TNFRSF11A: variants seen among roughly 807,000 people sequenced by gnomAD.
The protein encoded by TNFRSF11A is TNF receptor superfamily member 11a, also known as tumor necrosis factor receptor superfamily member 11A.
A neutral mutation model predicts 55.7 loss-of-function variants in TNFRSF11A; 32 were observed. The ratio of observed to expected loss-of-function variants is 0.57; its 90% CI spans 0.43 to 0.77. The LOEUF (loss-of-function observed/expected upper bound fraction) is 0.77, where lower values mean the gene tolerates loss of function less well. Among genes scored for constraint, TNFRSF11A ranks in the 30% least tolerant of loss-of-function variants. TNFRSF11A has a pLI of 0.00. For synonymous variants in TNFRSF11A, 311 were observed against 331.0 expected, an observed-to-expected ratio of 0.94 and a Z score of 0.65; for missense variants, 753 against 809.8, an observed-to-expected ratio of 0.93 and a Z score of 0.85.
chr18:62,333,137 G>C (rs2046179551), intron 1 of TNFRSF11A, among the ~76,000 whole-genome samples: 2 of 152,152 alleles, frequency 1.3e-5, no homozygotes, highest in Admixed American at 1.3e-4. Flanking sequence ...ACAGGTACCG[G>C]GGAAGGATAA....
chr18:62,329,687 G>A (rs2046123153), intron 1 of TNFRSF11A, among the ~76,000 whole-genome samples: 1 of 152,164 alleles, frequency 6.6e-6, no homozygotes, highest in African/African-American at 2.4e-5. Context: ...AAAACCGAGT[G>A]GGTGTGGAGC....
chr18:62,334,001 G>A (rs960501731), intron 1 of TNFRSF11A, among the ~76,000 whole-genome samples: 4 of 152,064 alleles, frequency 2.6e-5, no homozygotes, highest in African/African-American at 9.7e-5. Flanking sequence ...GAGTAGCTGG[G>A]ATTACAGGTG....
chr18:62,341,231 C>T (rs57570357), intron 1 of TNFRSF11A, among the ~76,000 whole-genome samples: 54 of 152,320 alleles, frequency 3.5e-4, no homozygotes, highest in African/African-American at 1.3e-3. Context: ...TGAAATGACT[C>T]GGACCACTCA....
At chr18:62,381,296 C>T (rs2145393495) in intron 9 of TNFRSF11A, among the ~76,000 whole-genome samples, 1 of 152,264 alleles carries the variant, frequency 6.6e-6, no homozygotes, top group African/African-American at 2.4e-5. Flanking sequence ...GAATGAAATT[C>T]TCAAGATGAA....
At position 62,325,772 on chromosome 18, in the gene TNFRSF11A, C is replaced by T. The variant is rs572761354; in HGVS notation, c.75+345C>T. On this transcript the variant is annotated intron_variant, in intron 1 of 9. Coordinates refer to ENST00000586569, the MANE Select transcript of TNFRSF11A (RefSeq NM_003839.4). This position sits in a 1 kb window ranked among gnomAD's most constrained non-coding sequence, Gnocchi z 4.7. ...TAAGCGCTTGCGCCGGGCGGTGCCG[C>T]GGGAGACAGCGCCGTGGGCACCTCA... is the stretch of plus-strand genomic sequence containing the variant. Among the ~76,000 whole-genome samples, 1 of 152,360 alleles carries T rather than the reference C, an allele frequency of 6.6e-6. No homozygotes were observed. Among genetic ancestry groups the T allele is most frequent in the Non-Finnish European group, 1.5e-5 (1 of 68,030 alleles).
In TNFRSF11A at chr18:62,385,083, G is replaced by A. The variant is rs1261714867; in HGVS notation, c.*49G>A. ...GAAGCTCGGAGCCAGGGCTCGCGAGGGCAGCACCGCAGCCTCTGCCCCAGC... is the reference window on the plus strand; with the variant it reads ...GAAGCTCGGAGCCAGGGCTCGCGAGAGCAGCACCGCAGCCTCTGCCCCAGC... On this transcript the variant is annotated 3_prime_UTR_variant, in exon 10 of 10. Coordinates refer to ENST00000586569, the MANE Select transcript of TNFRSF11A (RefSeq NM_003839.4). 5 of 1,419,480 alleles carry A rather than the reference G, an allele frequency of 3.5e-6. No individual in the cohort carries two copies. The African/African-American group carries it at 7.6e-5, about 21-fold the overall frequency. 87.9% of individuals were successfully genotyped at this position (1,419,480 alleles called of 1,614,324 possible).
intron 9 of TNFRSF11A, among the ~76,000 whole-genome samples, chr18:62,382,999 A>G (rs773352934): frequency 3.9e-4 from 59 of 152,182 alleles, no homozygotes; most frequent in Non-Finnish European, 1.9e-4. Flanking sequence ...AAGGGCGTAG[A>G]TACAGTGGTG....
chr18:62,341,039 C>T (rs2046303313), intron 1 of TNFRSF11A, among the ~76,000 whole-genome samples: 3 of 152,232 alleles, frequency 2.0e-5, no homozygotes, highest in Non-Finnish European at 4.4e-5. Flanking sequence ...ATTCTATCTG[C>T]CGAGCTTATT....
At chr18:62,343,847 T>C (rs977015287) in intron 1 of TNFRSF11A, among the ~76,000 whole-genome samples, 1 of 152,236 alleles carries the variant, frequency 6.6e-6, no homozygotes, top group Admixed American at 6.5e-5. Context: ...ATGAACAGAC[T>C]AATGTTCCTT....
chr18:62,390,229 C>G lies in TNFRSF11A; in HGVS notation c.*5195C>G, dbSNP rs762996176. 2 of 152,262 alleles carry G rather than the reference C, an allele frequency of 1.3e-5. No individual in the cohort carries two copies. The highest frequency in any genetic ancestry group is 2.9e-5 in the Non-Finnish European group (2 of 68,060). The allele number at this position is 152,262 out of a possible 1,614,324, so 9.4% of individuals were successfully genotyped here. A position where few individuals can be genotyped will look rare whatever the true frequency, so the allele number is the denominator to read the frequency against. On this transcript the variant is annotated 3_prime_UTR_variant, in exon 10 of 10. Coordinates refer to ENST00000586569, the MANE Select transcript of TNFRSF11A (RefSeq NM_003839.4). ...CAACTAGGTCGGAGGGACGCACCTT[C>G]TCCACAGTTGACAGGACTGTTATGG...
At position 62,388,438 on chromosome 18, in the gene TNFRSF11A, C is replaced by T. The variant is rs1449844168; in HGVS notation, c.*3404C>T. ...TCCAAGGGATGGGGGAGCAGCATAT[C>T]CCCCCATGGGAAGAGTTGCGGAATG... On this transcript the variant is annotated 3_prime_UTR_variant, in exon 10 of 10. Coordinates refer to ENST00000586569, the MANE Select transcript of TNFRSF11A (RefSeq NM_003839.4). 1 of 152,372 alleles carries T rather than the reference C, an allele frequency of 6.6e-6. No homozygotes were observed. Among genetic ancestry groups the T allele is most frequent in the Non-Finnish European group, 1.5e-5 (1 of 68,138 alleles). 9.4% of individuals were successfully genotyped at this position (152,372 alleles called of 1,614,324 possible).
intron 7 of TNFRSF11A, among the ~76,000 whole-genome samples, chr18:62,362,415 A>G (rs1370327619): frequency 2.1e-5 from 3 of 145,370 alleles, no homozygotes. Flanking sequence ...ACTTGAACCT[A>G]GGAGGCAGAG....
At chr18:62,359,723 C>T (rs530199665) in intron 5 of TNFRSF11A, among the ~76,000 whole-genome samples, 2 of 152,274 alleles carry the variant, frequency 1.3e-5, no homozygotes, top group Admixed American at 6.5e-5. Flanking sequence ...CTTTGCTGAC[C>T]GCAATCTCAG....
chr18:62,366,752 G>A lies in TNFRSF11A; in HGVS notation c.775G>A (p.Gly259Arg), dbSNP rs1910112159. 6.2e-7 allele frequency: 1 copy of A among 1,614,068 alleles called. No individual in the cohort carries two copies. Among genetic ancestry groups the A allele is most frequent in the Admixed American group, 1.7e-5 (1 of 60,008 alleles). The stretch of plus-strand genomic sequence containing the variant: ...CAATGAGGCTTGTGGCCGCCTAAGT[G>A]GAGATAAGGTAGAGTGAACAGTTGT... ...WINEACGRLS[G>R]DKESSGDSCV... Residue 259 changes from glycine (G) to arginine (R), a missense_variant, in exon 8 of 10, where the codon GGA becomes AGA. Coordinates refer to ENST00000586569, the MANE Select transcript of TNFRSF11A (RefSeq NM_003839.4).
At chr18:62,355,504 C>T (rs913391137) in intron 4 of TNFRSF11A, among the ~76,000 whole-genome samples, 2 of 152,162 alleles carry the variant, frequency 1.3e-5, no homozygotes, top group East Asian at 1.9e-4. Context: ...CTCGAACTCC[C>T]GACTTCAGGT....
rs541976552 is a variant in TNFRSF11A, at chr18:62,368,999, T to C, written c.1082T>C (p.Leu361Pro). The change falls in exon 9 of 10, where the codon CTG becomes CCG. Residue 361 changes from leucine to proline, a missense_variant. By Grantham distance (98) the Leu-to-Pro change is moderately conservative (BLOSUM62 -3). Around this residue, in one of 3 missense-constraint regions of TNFRSF11A, gnomAD observed 567 missense variants for 596.7 expected, o/e 0.95. Transcript: ENST00000586569. ...DRPSQPTDQL[L>P]FLTEPGSKST... ...CCCTCCCAGCCCACAGACCAGTTACTGTTCCTCACTGAGCCTGGAAGCAAA... is the reference window on the plus strand; with the variant it reads ...CCCTCCCAGCCCACAGACCAGTTACCGTTCCTCACTGAGCCTGGAAGCAAA... 4 of 1,614,248 alleles carry C rather than the reference T, an allele frequency of 2.5e-6. No individual in the cohort carries two copies. The highest frequency in any genetic ancestry group is 2.5e-6 in the Non-Finnish European group (3 of 1,180,048).
At chr18:62,336,892 A>C (rs1234085071) in intron 1 of TNFRSF11A, 1 of 152,256 alleles carries the variant, frequency 6.6e-6, no homozygotes, top group Non-Finnish European at 1.5e-5. Flanking sequence ...GAGCAGAGAT[A>C]ATAAATGCAT....
intron 1 of TNFRSF11A, chr18:62,336,849 A>G (rs887360444): frequency 2.6e-5 from 4 of 152,226 alleles, no homozygotes; most frequent in Non-Finnish European, 4.4e-5. Flanking sequence ...TTGTTTCTTC[A>G]TTTTCCCTTG....
intron 4 of TNFRSF11A, among the ~76,000 whole-genome samples, chr18:62,355,419 C>A (rs8088059): frequency 0.69 from 104,356 of 151,888 alleles, 36,071 homozygotes; most frequent in African/African-American, 0.71. Flanking sequence ...CTGGGATTAC[C>A]GGGATGCACC....
Sources: gnomAD v4.1 joint callset for allele counts (sites outside exome capture counted in the v4.1 genomes callset) on GRCh38, gnomAD v4.1.1 for gene constraint, gnomAD v4.1.1 regional missense constraint, Gnocchi (gnomAD v3.1) non-coding constraint, MANE v1.5 for transcripts, NCBI Gene and HGNC (gene_info 2026-07-23, HGNC 2026-07-21) for gene names.